The following GRIK3 variants were observed in gnomAD, a reference collection of about 807,000 sequenced individuals.
The protein encoded by GRIK3 is glutamate ionotropic receptor kainate type subunit 3.
In GRIK3, 29 loss-of-function variants were observed where a neutral mutation model predicts 102.5. The observed-to-expected ratio is 0.28, with a 90% confidence interval of 0.21 to 0.39. GRIK3 has a LOEUF of 0.39. Among genes scored for constraint, GRIK3 ranks in the 10% least tolerant of loss-of-function variants. The pLI is 1.00. For synonymous variants in GRIK3, 511 were observed against 504.9 expected, an observed-to-expected ratio of 1.01 and a Z score of -0.16; for missense variants, 908 against 1,252.4, an observed-to-expected ratio of 0.73 and a Z score of 4.15.
chr1:36,853,583 C>T lies in GRIK3; in HGVS notation c.1212+32G>A, dbSNP rs201486497. On this transcript the variant is annotated intron_variant, in intron 8 of 15. Transcript: ENST00000373091. Reference sequence around the variant, plus strand: ...GGAGATTTAAGAAGCCCCTGCTCCTCCGCCTGCCCTCCCTCTCCTGAGACC... The same window carrying T: ...GGAGATTTAAGAAGCCCCTGCTCCTTCGCCTGCCCTCCCTCTCCTGAGACC... 5.3e-5 allele frequency: 75 copies of T among 1,415,652 alleles called. No homozygotes were observed. In the African/African-American group the frequency reaches 1.0e-3, roughly 19 times the overall value. 87.7% of individuals were successfully genotyped at this position (1,415,652 alleles called of 1,614,324 possible).
chr1:36,993,107 A>G (rs1268323715), intron 1 of GRIK3, among the ~76,000 whole-genome samples: 1 of 152,174 alleles, frequency 6.6e-6, no homozygotes, highest in Non-Finnish European at 1.5e-5. Context: ...TGGATCAGCC[A>G]TGGAAGAAGA....
chr1:36,828,912 T>A (rs1642783859), intron 10 of GRIK3, among the ~76,000 whole-genome samples: 1 of 152,226 alleles, frequency 6.6e-6, no homozygotes, highest in Admixed American at 6.5e-5. Context: ...TGATTGGCCT[T>A]CTGGCCAGCC....
At chr1:36,895,314 A>G (rs933683383) in intron 1 of GRIK3, among the ~76,000 whole-genome samples, 1 of 152,228 alleles carries the variant, frequency 6.6e-6, no homozygotes, top group Non-Finnish European at 1.5e-5. Flanking sequence ...CAGATATGGC[A>G]TGGATTTTGG....
chr1:37,006,169 C>T (rs1356742698), intron 1 of GRIK3, among the ~76,000 whole-genome samples: 1 of 152,154 alleles, frequency 6.6e-6, no homozygotes, highest in African/African-American at 2.4e-5. Context: ...GACTGTGGCT[C>T]CCTGGGGTCT....
chr1:36,902,629 C>T (rs1415265500), intron 1 of GRIK3, among the ~76,000 whole-genome samples: 2 of 152,186 alleles, frequency 1.3e-5, no homozygotes, highest in African/African-American at 2.4e-5. Context: ...AATTGCCAAA[C>T]TTGGGTTTGG....
intron 1 of GRIK3, among the ~76,000 whole-genome samples, chr1:37,027,186 G>A (rs529429455): frequency 1.3e-5 from 2 of 152,262 alleles, no homozygotes; most frequent in South Asian, 4.2e-4. Flanking sequence ...GAGAGGCAGT[G>A]TGGACCCTGG....
rs58705761 is a variant in GRIK3 at position 36,904,519 on chromosome 1, C to G, written c.116-13423G>C. 6.9e-3 allele frequency among the ~76,000 whole-genome samples: 1,049 copies of G among 152,078 alleles called. 4 individuals carry two copies. Among genetic ancestry groups the G allele is most frequent in the Non-Finnish European group, 0.012 (789 of 68,012 alleles). Reference sequence around the variant, plus strand: ...ACCATATGACCCAGTAATTCCATTTCTAGGAATATAAATTTAGAGAAAGTT... The same window carrying G: ...ACCATATGACCCAGTAATTCCATTTGTAGGAATATAAATTTAGAGAAAGTT... On this transcript the variant is annotated intron_variant, in intron 1 of 15. Coordinates refer to ENST00000373091, the MANE Select transcript of GRIK3 (RefSeq NM_000831.4).
At chr1:36,952,512 TCA>T (rs1284269620) in intron 1 of GRIK3, among the ~76,000 whole-genome samples, 1 of 152,248 alleles carries the variant, frequency 6.6e-6, no homozygotes, top group African/African-American at 2.4e-5. Context: ...TCTCTGGTCC[TCA>T]GTTTTCTCAT....
chr1:37,004,338 G>C (rs1642509656), intron 1 of GRIK3, among the ~76,000 whole-genome samples: 1 of 152,190 alleles, frequency 6.6e-6, no homozygotes, highest in African/African-American at 2.4e-5. Flanking sequence ...GCATAAAAGG[G>C]CTTTGAAAAG....
chr1:36,830,289 T>A (rs1640242017), intron 10 of GRIK3, among the ~76,000 whole-genome samples: 1 of 152,186 alleles, frequency 6.6e-6, no homozygotes, highest in Non-Finnish European at 1.5e-5. Context: ...TGGACCCAGT[T>A]CATTGTGATC....
At chr1:36,853,998 T>C (rs1640618293) in intron 7 of GRIK3, among the ~76,000 whole-genome samples, 2 of 152,196 alleles carry the variant, frequency 1.3e-5, no homozygotes, top group Admixed American at 6.5e-5. Context: ...CCTGAAGTCA[T>C]GGGAAGGGGG....
chr1:36,953,195 C>A (rs1641865601), intron 1 of GRIK3, among the ~76,000 whole-genome samples: 1 of 152,218 alleles, frequency 6.6e-6, no homozygotes, highest in South Asian at 2.1e-4. Context: ...TGCCCCTCCC[C>A]CTGCCCCTGC....
intron 10 of GRIK3, among the ~76,000 whole-genome samples, chr1:36,837,751 C>T (rs1640397537): frequency 6.6e-6 from 1 of 152,180 alleles, no homozygotes; most frequent in Non-Finnish European, 1.5e-5. Flanking sequence ...GCTCTCCACT[C>T]TTGGGGTTCT....
intron 10 of GRIK3, among the ~76,000 whole-genome samples, chr1:36,839,144 C>T (rs1243435126): frequency 6.6e-6 from 1 of 152,144 alleles, no homozygotes; most frequent in Admixed American, 6.5e-5. Context: ...CTCACCTCCG[C>T]ACCCAGCCTC....
In GRIK3 at chr1:36,978,616, G is replaced by A. The variant is rs561602878; in HGVS notation, c.115+55378C>T. 3.5e-4 allele frequency among the ~76,000 whole-genome samples: 53 copies of A among 152,322 alleles called. 1 individual carries two copies. Among genetic ancestry groups the A allele is most frequent in the Middle Eastern group, 3.4e-3 (1 of 294 alleles). ...GCTCACTACTGTATCTGTGGTCTGC[G>A]GGGGTTAGCTGGTCTAGGATGGCCT... is the stretch of plus-strand genomic sequence containing the variant. On this transcript the variant is annotated intron_variant, in intron 1 of 15. Transcript: ENST00000373091.
chr1:36,820,657 GA>G (rs1425149816), intron 11 of GRIK3, among the ~76,000 whole-genome samples: 3 of 151,968 alleles, frequency 2.0e-5, no homozygotes, highest in Non-Finnish European at 4.4e-5. Context: ...CCTTAAAACG[GA>G]AAAAAAGCAG....
chr1:36,808,106 C>T (rs1032246065), intron 13 of GRIK3, among the ~76,000 whole-genome samples: 57 of 152,240 alleles, frequency 3.7e-4, no homozygotes, highest in East Asian at 3.8e-4. Context: ...CTGTGCCCCA[C>T]GCAATATTCT....
chr1:36,923,883 A>T (rs570036294), intron 1 of GRIK3, among the ~76,000 whole-genome samples: 1 of 152,002 alleles, frequency 6.6e-6, no homozygotes, highest in Admixed American at 6.5e-5. Flanking sequence ...CTGTAAACAC[A>T]TGCATGTACA....
intron 9 of GRIK3, among the ~76,000 whole-genome samples, chr1:36,844,929 C>T (rs796147012): frequency 4.6e-5 from 7 of 152,284 alleles, no homozygotes; most frequent in African/African-American, 1.7e-4. Context: ...CCTGTCTTCA[C>T]GCCCCTCCCT....
Sources: gnomAD v4.1 joint callset for allele counts (sites outside exome capture counted in the v4.1 genomes callset) on GRCh38, gnomAD v4.1.1 for gene constraint, MANE v1.5 for transcripts, NCBI Gene and HGNC (gene_info 2026-07-23, HGNC 2026-07-21) for gene names.